Variants in SMC2 observed in about 807,000 individuals in gnomAD.
The protein encoded by SMC2 is structural maintenance of chromosomes protein 2.
In SMC2, 41 loss-of-function variants were observed where a neutral mutation model predicts 142.6. That is an observed-to-expected ratio of 0.29 (90% CI 0.22 to 0.37). The LOEUF (loss-of-function observed/expected upper bound fraction) is 0.37, where lower values mean the gene tolerates loss of function less well. Ranked by LOEUF, SMC2 falls within the 10% of genes least tolerant of loss-of-function variation. The pLI is 1.00. For missense variants in SMC2, 1,265 were observed against 1,373.7 expected (o/e 0.92, Z 1.25); for synonymous variants, 463 against 457.5 (o/e 1.01, Z -0.15).
rs1835969080 is a variant in SMC2, at chr9:104,140,447, T to C, written c.*1132T>C. ...ACATGATGTAATCTGATCTTCCATGTGTTATTTTGGCCCCACATCTCTTCT... is the reference window on the plus strand; with the variant it reads ...ACATGATGTAATCTGATCTTCCATGCGTTATTTTGGCCCCACATCTCTTCT... On this transcript the variant is annotated 3_prime_UTR_variant, in exon 25 of 25. Transcript: ENST00000374793. 1 of 152,218 alleles carries C rather than the reference T, an allele frequency of 6.6e-6. No homozygotes were observed. Among genetic ancestry groups the C allele is most frequent in the Admixed American group, 6.5e-5 (1 of 15,268 alleles). The allele number at this position is 152,218 out of a possible 1,614,324, so 9.4% of individuals were successfully genotyped here.
chr9:104,113,902 C>T, intron 11 of SMC2, 62 bp from the exon 12 acceptor site: 1 of 995,794 alleles, frequency 1.0e-6, no homozygotes, highest in Admixed American at 2.7e-5. Flanking sequence ...CTAATATTTT[C>T]CTTAAAACAG....
In SMC2 at chr9:104,118,278, G is replaced by A. The variant is rs1356124135; in HGVS notation, c.1899G>A (p.Met633Ile). ...GAACAACATTTGTTTGTGACAATAT[G>A]GATAATGCCAAAAAAGTGGCCTTTG... ...VFGTTFVCDN[M>I]DNAKKVAFDK... The change falls in exon 15 of 25, where the codon ATG becomes ATA. Residue 633 changes from methionine (M) to isoleucine (I), a missense_variant. Met to Ile is a conservative substitution (Grantham distance 10). Transcript: ENST00000374793. 5 of 1,613,344 alleles carry A rather than the reference G, an allele frequency of 3.1e-6. No homozygotes were observed. Among genetic ancestry groups the A allele is most frequent in the Non-Finnish European group, 4.2e-6 (5 of 1,179,722 alleles).
chr9:104,111,548 A>G (rs371184405), intron 9 of SMC2, 33 bp from the exon 10 acceptor site: 45 of 1,462,914 alleles, frequency 3.1e-5, no homozygotes, highest in Non-Finnish European at 3.9e-5. Flanking sequence ...TTCCTGAAAT[A>G]TAATATTTTT....
At position 104,118,203 on chromosome 9, in the gene SMC2, C is replaced by G. The variant is rs562060334; in HGVS notation, c.1824C>G (p.Ser608=). ...CTGACAACGTTCATGTGGCTCTTTC[C>G]TTGGTTGAATATAAACCAGAACTTC... ...VGPDNVHVAL[S]LVEYKPELQK... The change falls in exon 15 of 25, where the codon TCC becomes TCG. Residue 608 remains serine (S), a synonymous_variant. Coordinates refer to ENST00000374793, the MANE Select transcript of SMC2 (RefSeq NM_006444.3). 2 of 1,613,678 alleles carry G rather than the reference C, an allele frequency of 1.2e-6. No individual in the cohort carries two copies. The highest frequency in any genetic ancestry group is 1.6e-4 in the Middle Eastern group (1 of 6,082).
intron 20 of SMC2, 29 bp from the exon 21 acceptor site, chr9:104,129,616 A>C (rs1489047149): frequency 6.5e-7 from 1 of 1,532,666 alleles, no homozygotes; most frequent in East Asian, 2.2e-5. Context: ...ACATTCATAG[A>C]TCTCCCATCT....
rs1175018117 is a variant in SMC2 at position 104,095,542 on chromosome 9, A to G, written c.158A>G (p.Asn53Ser). The G allele has an allele frequency of 4.3e-6, 7 of 1,613,268 alleles. No individual in the cohort carries two copies. The highest frequency in any genetic ancestry group is 5.9e-6 in the Non-Finnish European group (7 of 1,179,390). ...DSICFLLGIS[N>S]LSQVRASNLQ... is the part of the protein sequence containing the mutation. ...ATCTGCTTTTTGCTGGGCATCTCCAACCTGTCTCAGGTAAAGTGTAAACTT... is the reference window on the plus strand; with the variant it reads ...ATCTGCTTTTTGCTGGGCATCTCCAGCCTGTCTCAGGTAAAGTGTAAACTT... Residue 53 changes from asparagine (N) to serine (S), a missense_variant, in exon 2 of 25, where the codon AAC becomes AGC. By Grantham distance (46) the Asn-to-Ser change is conservative. Coordinates refer to ENST00000374793, the MANE Select transcript of SMC2 (RefSeq NM_006444.3).
chr9:104,129,459 G>A (rs887757108), intron 20 of SMC2, among the ~76,000 whole-genome samples, 186 bp from the exon 21 acceptor site: 5 of 149,588 alleles, frequency 3.3e-5, no homozygotes, highest in Admixed American at 6.7e-5. Flanking sequence ...CCAAGATCGC[G>A]CCATTGCACT....
chr9:104,135,077 T>C (rs867427879), intron 23 of SMC2, among the ~76,000 whole-genome samples: 1 of 152,148 alleles, frequency 6.6e-6, no homozygotes, highest in South Asian at 2.1e-4. Context: ...GTTATTTGTT[T>C]ATCAGAACAA....
chr9:104,109,175 G>T (rs1832144486), intron 9 of SMC2, among the ~76,000 whole-genome samples: 1 of 152,172 alleles, frequency 6.6e-6, no homozygotes, highest in Non-Finnish European at 1.5e-5. Flanking sequence ...GTTTTAAAAA[G>T]TGTAAAACTT....
Position 104,113,979 on chromosome 9 carries a change from G to A in SMC2, c.1430G>A (p.Ser477Asn), listed in dbSNP as rs1478818737. ...TATCCTTCAGAAAATAAAGAGGAAA[G>A]CCTTTTGGAAAAGCGCAGGCAGCTG... ...KLNYEENKEE[S>N]LLEKRRQLSR... The change falls in exon 12 of 25, where the codon AGC (serine) becomes AAC (asparagine). Residue 477 changes from serine (S) to asparagine (N), a missense_variant. By Grantham distance (46) the Ser-to-Asn change is conservative. This residue lies in a region of SMC2 where 898 missense variants were observed against 904.2 expected (regional missense o/e 0.99). Transcript: ENST00000374793. 1.3e-6 allele frequency: 2 copies of A among 1,579,168 alleles called. No individual in the cohort carries two copies. Among genetic ancestry groups the A allele is most frequent in the African/African-American group, 2.7e-5 (2 of 72,956 alleles).
intron 21 of SMC2, among the ~76,000 whole-genome samples, chr9:104,130,939 A>G (rs184119060): frequency 1.6e-4 from 25 of 151,932 alleles, no homozygotes; most frequent in Admixed American, 3.9e-4. Context: ...TTTTGTATCT[A>G]TCTACATAAG....
At chr9:104,120,240 A>T (rs1271656606) in intron 16 of SMC2, 78 bp downstream of exon 16, 1 of 1,295,190 alleles carries the variant, frequency 7.7e-7, no homozygotes, top group East Asian at 2.5e-5. Flanking sequence ...TATTTCAAGA[A>T]ATACAGCTTC....
intron 9 of SMC2, among the ~76,000 whole-genome samples, chr9:104,105,411 A>T (rs1488612544): frequency 1.3e-5 from 2 of 152,092 alleles, no homozygotes; most frequent in East Asian, 3.9e-4. Context: ...TAGCCCTTGG[A>T]TGCACATAGC....
intron 10 of SMC2, 102 bp from the exon 11 acceptor site, chr9:104,113,214 G>A (rs1024813679): frequency 1.8e-5 from 14 of 763,552 alleles, no homozygotes; most frequent in Non-Finnish European, 2.4e-5. Flanking sequence ...AAACTTTGAA[G>A]GTTAAGGTCT....
In SMC2 at chr9:104,101,375, T is replaced by C. The variant is rs571812139; in HGVS notation, c.637-585T>C. Among the ~76,000 whole-genome samples the C allele has an allele frequency of 2.6e-5, 4 of 152,352 alleles. No individual in the cohort carries two copies. The South Asian group carries it at 8.3e-4, about 32-fold the overall frequency. Reference sequence around the variant, plus strand: ...ATTGTAATCTTGAAGATACCCTTTTTGTATGTATGATTTAGTAGAAAACAC... The same window carrying C: ...ATTGTAATCTTGAAGATACCCTTTTCGTATGTATGATTTAGTAGAAAACAC... On this transcript the variant is annotated intron_variant, in intron 7 of 24. Coordinates refer to ENST00000374793, the MANE Select transcript of SMC2 (RefSeq NM_006444.3).
upstream of SMC2, among the ~76,000 whole-genome samples, chr9:104,089,936 G>A (rs1587865084): frequency 1.3e-5 from 2 of 151,972 alleles, no homozygotes; most frequent in South Asian, 2.1e-4. Context: ...ATGAGCCACC[G>A]TGCCTGGCTG....
chr9:104,120,326 T>G (rs746910068), intron 16 of SMC2, among the ~76,000 whole-genome samples, 164 bp downstream of exon 16: 5 of 152,244 alleles, frequency 3.3e-5, no homozygotes, highest in Non-Finnish European at 7.3e-5. Flanking sequence ...ATTTATCCAT[T>G]TTTTTCTCAT....
chr9:104,100,176 G>A lies in SMC2; in HGVS notation c.564G>A (p.Lys188=), dbSNP rs1587894131. ...CTGCACAGAAAACTATAGAAAAAAA[G>A]GAGGCTAAGCTGAAAGAAATTAAGA... ...KIAAQKTIEK[K]EAKLKEIKTI... The change falls in exon 6 of 25, where the codon AAG becomes AAA. Residue 188 remains lysine (K), a synonymous_variant. Coordinates refer to ENST00000374793, the MANE Select transcript of SMC2 (RefSeq NM_006444.3). The A allele has an allele frequency of 9.6e-6, 15 of 1,569,728 alleles. No individual in the cohort carries two copies. Among genetic ancestry groups the A allele is most frequent in the Non-Finnish European group, 8.6e-6 (10 of 1,164,888 alleles).
intron 17 of SMC2, among the ~76,000 whole-genome samples, chr9:104,124,461 G>A (rs1043100644): frequency 2.6e-5 from 4 of 151,880 alleles, no homozygotes; most frequent in African/African-American, 9.7e-5. Flanking sequence ...ATTATTTGTC[G>A]ACTTTAATGA....
Sources: allele counts gnomAD v4.1 joint callset (sites outside exome capture counted in the v4.1 genomes callset), GRCh38; gene constraint gnomAD v4.1.1; regional missense constraint gnomAD v4.1.1; transcripts MANE v1.5; gene names NCBI Gene and HGNC (gene_info 2026-07-23, HGNC 2026-07-21).